ABTB3: variants seen among roughly 807,000 people sequenced by gnomAD.
ABTB3 encodes ankyrin repeat and BTB domain containing 3, also known as ankyrin repeat- and BTB/POZ domain-containing protein 3.
At chr12:107,646,656 G>A in the ABTB3 span, among the ~76,000 whole-genome samples, 3 of 152,202 alleles carry the variant, frequency 2.0e-5, no homozygotes, top group Non-Finnish European at 2.9e-5. Flanking sequence ...CGGTATGTGG[G>A]AGACTCAAAC....
the ABTB3 span, among the ~76,000 whole-genome samples, chr12:107,606,440 T>C: frequency 6.6e-6 from 1 of 152,240 alleles, no homozygotes; most frequent in Non-Finnish European, 1.5e-5. Context: ...CTTGCAATTA[T>C]TCATTTACGA....
the ABTB3 span, among the ~76,000 whole-genome samples, chr12:107,433,990 C>T: frequency 6.6e-6 from 1 of 152,180 alleles, no homozygotes; most frequent in Non-Finnish European, 1.5e-5. Flanking sequence ...TGGGGACACT[C>T]ATCTCATTCA....
At chr12:107,620,024 C>T in the ABTB3 span, 20 of 1,613,796 alleles carry the variant, frequency 1.2e-5, no homozygotes, top group Non-Finnish European at 1.4e-5. Flanking sequence ...GGAGTCTTTG[C>T]GGATCGCCTT....
At chr12:107,612,799 A>G in the ABTB3 span, 1 of 1,613,670 alleles carries the variant, frequency 6.2e-7, no homozygotes, top group South Asian at 1.1e-5. Flanking sequence ...CCCCTGATGT[A>G]TGCCTGCGTC....
chr12:107,364,968 G>A, the ABTB3 span, among the ~76,000 whole-genome samples: 1 of 152,124 alleles, frequency 6.6e-6, no homozygotes, highest in Non-Finnish European at 1.5e-5. Flanking sequence ...GTTGCTCTCT[G>A]TCACAGTGGT....
At chr12:107,508,434 A>ATTTTTTTTTTTTTTTTTTT in the ABTB3 span, among the ~76,000 whole-genome samples, 37 of 58,734 alleles carry the variant, frequency 6.3e-4, no homozygotes, top group Non-Finnish European at 1.1e-3. Context: ...CTCAAAGATC[A>ATTTTTTTTTTTTTTTTTTT]TTTCTTTTTT....
At chr12:107,624,440 A>G in the ABTB3 span, among the ~76,000 whole-genome samples, 135 of 152,238 alleles carry the variant, frequency 8.9e-4, no homozygotes, top group South Asian at 1.9e-3. Context: ...AACATGCAGA[A>G]AATTCCCATC....
chr12:107,620,802 G>A, the ABTB3 span, among the ~76,000 whole-genome samples: 2 of 152,132 alleles, frequency 1.3e-5, no homozygotes, highest in East Asian at 3.9e-4. Context: ...ATAACAGCAG[G>A]CCAGCCTTTC....
chr12:107,547,824 A>G, the ABTB3 span, among the ~76,000 whole-genome samples: 1 of 152,196 alleles, frequency 6.6e-6, no homozygotes, highest in Non-Finnish European at 1.5e-5. Flanking sequence ...GACTGATGTG[A>G]GCAATGAATT....
the ABTB3 span, among the ~76,000 whole-genome samples, chr12:107,495,936 A>T: frequency 6.6e-6 from 1 of 152,204 alleles, no homozygotes. Context: ...TAAGTACTAA[A>T]TGAAAGTTAA....
the ABTB3 span, among the ~76,000 whole-genome samples, chr12:107,474,625 C>T: frequency 1.3e-5 from 2 of 151,944 alleles, no homozygotes; most frequent in Admixed American, 1.3e-4. Context: ...GGAGGGAAAT[C>T]CAGAAAGACT....
the ABTB3 span, among the ~76,000 whole-genome samples, chr12:107,526,002 C>T: frequency 6.6e-6 from 1 of 152,160 alleles, no homozygotes; most frequent in African/African-American, 2.4e-5. Context: ...CTCTGCTGTG[C>T]TGTGTGCAAA....
the ABTB3 span, chr12:107,319,994 G>A: frequency 6.3e-7 from 1 of 1,582,090 alleles, no homozygotes; most frequent in Non-Finnish European, 8.6e-7. Flanking sequence ...GGAGACCCTG[G>A]AGCACACGGT....
the ABTB3 span, among the ~76,000 whole-genome samples, chr12:107,551,773 A>G: frequency 6.7e-6 from 1 of 149,636 alleles, no homozygotes; most frequent in South Asian, 2.1e-4. Flanking sequence ...TTTTTTTGAG[A>G]CAGAGTTTCA....
At chr12:107,427,950 G>A in the ABTB3 span, among the ~76,000 whole-genome samples, 1 of 152,132 alleles carries the variant, frequency 6.6e-6, no homozygotes, top group Non-Finnish European at 1.5e-5. Flanking sequence ...CAGCATGTTA[G>A]CACCTTTGCA....
At chr12:107,618,269 C>A in the ABTB3 span, 3 of 1,613,576 alleles carry the variant, frequency 1.9e-6, no homozygotes, top group Admixed American at 1.7e-5. Flanking sequence ...CCCCGCCCCC[C>A]TTGTGCGCCA....
the ABTB3 span, among the ~76,000 whole-genome samples, chr12:107,337,822 G>A: frequency 1.3e-5 from 2 of 152,218 alleles, no homozygotes; most frequent in Non-Finnish European, 2.9e-5. Flanking sequence ...CAGCCATTAG[G>A]TGAATAATTG....
chr12:107,336,470 TCA>T, the ABTB3 span, among the ~76,000 whole-genome samples: 66,643 of 151,928 alleles, frequency 0.44, 17,955 homozygotes, highest in African/African-American at 0.77. Flanking sequence ...TCTCTGAGCC[TCA>T]GTTTCCTCCC....
chr12:107,510,139 C>G, the ABTB3 span, among the ~76,000 whole-genome samples: 1 of 152,166 alleles, frequency 6.6e-6, no homozygotes, highest in Non-Finnish European at 1.5e-5. Flanking sequence ...CGTCCGATGC[C>G]CATTCAAGGG....
Sources: allele counts gnomAD v4.1 joint callset (sites outside exome capture counted in the v4.1 genomes callset), GRCh38; gene constraint gnomAD v4.1.1; transcripts MANE v1.5; gene names NCBI Gene and HGNC (gene_info 2026-07-23, HGNC 2026-07-21).